The following MFHAS1 variants were observed in gnomAD, a reference collection of about 807,000 sequenced individuals.
MFHAS1 encodes the protein malignant fibrous histiocytoma-amplified sequence 1.
Under a neutral mutation model 70.4 loss-of-function variants are expected in MFHAS1, and 50 were observed. That is an observed-to-expected ratio of 0.71 (90% CI 0.57 to 0.90). The LOEUF (loss-of-function observed/expected upper bound fraction) is 0.90. MFHAS1 is among the 40% of genes least tolerant of loss of function. The pLI is 0.00. For synonymous variants in MFHAS1, 952 were observed against 620.0 expected (o/e 1.54, Z -7.96); for missense variants, 1,795 against 1,347.6 (o/e 1.33, Z -5.20).
At chr8:8,889,452 A>G (rs1809901350) in intron 1 of MFHAS1, among the ~76,000 whole-genome samples, 1 of 152,210 alleles carries the variant, frequency 6.6e-6, no homozygotes, top group Non-Finnish European at 1.5e-5. Context: ...AGTGAGCAGT[A>G]ATTTTTACTT....
At chr8:8,829,364 T>C (rs775785514) in intron 1 of MFHAS1, among the ~76,000 whole-genome samples, 7 of 152,190 alleles carry the variant, frequency 4.6e-5, no homozygotes, top group Non-Finnish European at 8.8e-5. Context: ...AGTTCATTCA[T>C]GGACATCTCT....
chr8:8,801,309 G>C (rs1032339545), intron 1 of MFHAS1, among the ~76,000 whole-genome samples: 24 of 152,292 alleles, frequency 1.6e-4, no homozygotes, highest in African/African-American at 5.5e-4. Context: ...GTCACACAGA[G>C]CCAGGTAACT....
At chr8:8,881,744 G>C (rs1809530953) in intron 1 of MFHAS1, among the ~76,000 whole-genome samples, 1 of 147,836 alleles carries the variant, frequency 6.8e-6, no homozygotes, top group Admixed American at 7.0e-5. Flanking sequence ...TGAGACAGGA[G>C]AATCACTTGA....
At chr8:8,873,936 T>C (rs569186126) in intron 1 of MFHAS1, among the ~76,000 whole-genome samples, 4 of 152,218 alleles carry the variant, frequency 2.6e-5, no homozygotes, top group Non-Finnish European at 5.9e-5. Flanking sequence ...AAACACTGCA[T>C]CACGTGTAAT....
intron 1 of MFHAS1, among the ~76,000 whole-genome samples, chr8:8,819,020 G>A (rs1221125164): frequency 6.6e-6 from 1 of 152,120 alleles, no homozygotes; most frequent in Non-Finnish European, 1.5e-5. Context: ...GTTGTTTCTG[G>A]AGTAAAATAT....
chr8:8,802,222 G>T (rs1340868607), intron 1 of MFHAS1, among the ~76,000 whole-genome samples: 1 of 152,286 alleles, frequency 6.6e-6, no homozygotes, highest in African/African-American at 2.4e-5. Context: ...TCAGATGCAA[G>T]AGGTAGTTTG....
chr8:8,855,131 T>G (rs973653838), intron 1 of MFHAS1, among the ~76,000 whole-genome samples: 11 of 152,130 alleles, frequency 7.2e-5, no homozygotes, highest in Non-Finnish European at 1.3e-4. Flanking sequence ...ATTTTTTATT[T>G]CTTGTTGAGA....
chr8:8,851,127 T>C (rs1295021862), intron 1 of MFHAS1, among the ~76,000 whole-genome samples: 1 of 152,248 alleles, frequency 6.6e-6, no homozygotes, highest in African/African-American at 2.4e-5. Context: ...TTACAGAAGA[T>C]GAAAAATACA....
At chr8:8,793,431 T>C (rs894130172) in intron 2 of MFHAS1, among the ~76,000 whole-genome samples, 1 of 152,138 alleles carries the variant, frequency 6.6e-6, no homozygotes, top group Non-Finnish European at 1.5e-5. Context: ...AAAGAAGAGC[T>C]TGGAATGTCT....
chr8:8,806,334 C>G (rs141377790), intron 1 of MFHAS1, among the ~76,000 whole-genome samples: 93 of 152,270 alleles, frequency 6.1e-4, no homozygotes, highest in African/African-American at 2.2e-3. Context: ...GAGGCTCTAC[C>G]AGACACAAAA....
At chr8:8,797,535 A>T (rs753351743) in intron 1 of MFHAS1, 44 bp from the exon 2 acceptor site, 5 of 1,587,480 alleles carry the variant, frequency 3.1e-6, no homozygotes. Flanking sequence ...ATGTGCACTA[A>T]AAATGGGCTC....
At chr8:8,858,774 G>A (rs1409069745) in intron 1 of MFHAS1, among the ~76,000 whole-genome samples, 1 of 152,002 alleles carries the variant, frequency 6.6e-6, no homozygotes, top group Non-Finnish European at 1.5e-5. Flanking sequence ...GCGTCGAGGT[G>A]GACCCAAGCA....
chr8:8,866,593 C>T (rs1808866745), intron 1 of MFHAS1, among the ~76,000 whole-genome samples: 1 of 152,202 alleles, frequency 6.6e-6, no homozygotes, highest in South Asian at 2.1e-4. Context: ...TTTGGGATTA[C>T]AGGCATGAGC....
intron 1 of MFHAS1, among the ~76,000 whole-genome samples, chr8:8,863,767 A>G (rs1163357829): frequency 6.6e-6 from 1 of 152,084 alleles, no homozygotes; most frequent in Non-Finnish European, 1.5e-5. Flanking sequence ...CACAGAACTA[A>G]TCTATTAATA....
In MFHAS1 at chr8:8,891,407, C is replaced by G. The variant is rs760052526; in HGVS notation, c.1652G>C (p.Cys551Ser). The G allele has an allele frequency of 3.7e-6, 6 of 1,612,516 alleles. No individual in the cohort carries two copies. The African/African-American group carries it at 8.0e-5, about 22-fold the overall frequency. ...LCGERELEEKCLDIHRQIALQ... is the reference protein window; with the variant it reads ...LCGERELEEKSLDIHRQIALQ... The stretch of plus-strand genomic sequence containing the variant: ...GGCGATCTGGCGGTGAATGTCCAGA[C>G]ATTTCTCCTCCAGCTCACGCTCTCC... Residue 551 changes from cysteine to serine, a missense_variant, in exon 1 of 3, where the codon TGT (cysteine) becomes TCT (serine). Physicochemically the swap from Cys to Ser is moderately radical, Grantham distance 112 (BLOSUM62 -1). Coordinates refer to ENST00000276282, the MANE Select transcript of MFHAS1 (RefSeq NM_004225.3). The surrounding 1 kb of genome is among the most constrained non-coding windows in gnomAD (Gnocchi z 5.4).
chr8:8,891,218 A>G lies in MFHAS1; in HGVS notation c.1841T>C (p.Leu614Pro), dbSNP rs746228949. ...GGAGAGGATCTGCAGCCGGTGGTTG[A>G]GCAGGTATTGAAAATGGGCCTTGCG... is the stretch of plus-strand genomic sequence containing the variant. ...RRRKAHFQYL[L>P]NHRLQILSPV... Residue 614 changes from leucine to proline, a missense_variant, in exon 1 of 3, where the codon CTC becomes CCC. Physicochemically the swap from Leu to Pro is moderately conservative, Grantham distance 98 (BLOSUM62 -3). Transcript: ENST00000276282. The surrounding 1 kb of genome is among the most constrained non-coding windows in gnomAD (Gnocchi z 5.4). 4.3e-6 allele frequency: 7 copies of G among 1,612,618 alleles called. No homozygotes were observed. The highest frequency in any genetic ancestry group is 5.9e-6 in the Non-Finnish European group (7 of 1,180,012).
Position 8,893,128 on chromosome 8 carries a change from G to A in MFHAS1, c.-70C>T. ...CAGCTACATGCCGCGCCGCGCCCCGGGCCCTCCGGCTCCTGCCCCTGCCTG... is the reference window on the plus strand; with the variant it reads ...CAGCTACATGCCGCGCCGCGCCCCGAGCCCTCCGGCTCCTGCCCCTGCCTG... On this transcript the variant is annotated 5_prime_UTR_variant, in exon 1 of 3. Transcript: ENST00000276282. 2.5e-6 allele frequency: 3 copies of A among 1,180,274 alleles called. No individual in the cohort carries two copies. Among genetic ancestry groups the A allele is most frequent in the Non-Finnish European group, 3.3e-6 (3 of 905,952 alleles). The allele number at this position is 1,180,274 out of a possible 1,614,324, so 73.1% of individuals were successfully genotyped here. A position where few individuals can be genotyped will look rare whatever the true frequency, so the allele number is the denominator to read the frequency against.
chr8:8,798,383 T>C (rs1805979200), intron 1 of MFHAS1, among the ~76,000 whole-genome samples: 1 of 152,200 alleles, frequency 6.6e-6, no homozygotes, highest in Admixed American at 6.5e-5. Context: ...TGAAGTGCAG[T>C]GGCCTAATCA....
intron 1 of MFHAS1, among the ~76,000 whole-genome samples, chr8:8,825,006 G>T (rs1393149734): frequency 6.6e-6 from 1 of 152,206 alleles, no homozygotes; most frequent in Non-Finnish European, 1.5e-5. Context: ...TTTCACCAAG[G>T]AAGGGAATAG....
Sources: gnomAD v4.1 joint callset for allele counts (sites outside exome capture counted in the v4.1 genomes callset) on GRCh38, gnomAD v4.1.1 for gene constraint, Gnocchi (gnomAD v3.1) non-coding constraint, MANE v1.5 for transcripts, NCBI Gene and HGNC (gene_info 2026-07-23, HGNC 2026-07-21) for gene names.